ERC2: variants seen among roughly 807,000 people sequenced by gnomAD.
ERC2 encodes ELKS/RAB6-interacting/CAST family member 2.
A neutral mutation model predicts 114.8 loss-of-function variants in ERC2; 42 were observed. The ratio of observed to expected loss-of-function variants is 0.37; its 90% confidence interval spans 0.29 to 0.47. ERC2 has a LOEUF of 0.47. ERC2 is among the 20% of genes least tolerant of loss of function. ERC2 has a pLI of 0.99. For synonymous variants in ERC2, 454 were observed against 425.5 expected (o/e 1.07, Z -0.82); for missense variants, 939 against 1,150.7 (o/e 0.82, Z 2.66).
chr3:56,327,559 C>T lies in ERC2; in HGVS notation c.658-31124G>A, dbSNP rs1024899967. On this transcript the variant is annotated intron_variant, in intron 2 of 17. Coordinates refer to ENST00000288221, the MANE Select transcript of ERC2 (RefSeq NM_015576.3). ...GGCATGGTAGCCCACACCTGTAGTC[C>T]CAGCTACTCAGGAGGCTGAGGCAGA... Among the ~76,000 whole-genome samples the T allele has an allele frequency of 8.5e-5, 13 of 152,232 alleles. No homozygotes were observed. In the East Asian group the frequency reaches 2.1e-3, roughly 25 times the overall value.
chr3:56,017,592 G>T (rs2073393316), intron 8 of ERC2, among the ~76,000 whole-genome samples: 1 of 151,944 alleles, frequency 6.6e-6, no homozygotes, highest in Non-Finnish European at 1.5e-5. Context: ...CCTCCACAAG[G>T]GCTCCTGGCT....
intron 14 of ERC2, among the ~76,000 whole-genome samples, chr3:55,763,677 T>C (rs991148984): frequency 2.0e-5 from 3 of 152,202 alleles, no homozygotes; most frequent in African/African-American, 7.2e-5. Flanking sequence ...TGACTTTAAA[T>C]TGTGGACATT....
chr3:56,098,669 A>G (rs1269386847), intron 6 of ERC2, among the ~76,000 whole-genome samples: 1 of 152,194 alleles, frequency 6.6e-6, no homozygotes, highest in Non-Finnish European at 1.5e-5. Context: ...GGTCCACTCC[A>G]GTCTGTTGGA....
chr3:56,253,688 T>A (rs534315035), intron 3 of ERC2, among the ~76,000 whole-genome samples: 62 of 152,320 alleles, frequency 4.1e-4, no homozygotes, highest in African/African-American at 1.5e-3. Flanking sequence ...CTGGAAATGC[T>A]CATTTGTTTG....
chr3:55,918,513 G>A (rs553398010), intron 13 of ERC2, among the ~76,000 whole-genome samples: 1 of 152,126 alleles, frequency 6.6e-6, no homozygotes, highest in South Asian at 2.1e-4. Flanking sequence ...ACATAACCAC[G>A]AGTTTTTTCA....
chr3:56,311,234 TCTCTCTCTCTCTCTCTCTCTC>T (rs1277489668), intron 2 of ERC2, among the ~76,000 whole-genome samples: 4 of 12,802 alleles, frequency 3.1e-4, no homozygotes, highest in Admixed American at 1.1e-3. Flanking sequence ...CATCATCTTC[TCTCTCTCTCTCTCTCTCTCTC>T]TATATATATA....
At chr3:56,158,160 C>A (rs2081840612) in intron 4 of ERC2, among the ~76,000 whole-genome samples, 1 of 152,148 alleles carries the variant, frequency 6.6e-6, no homozygotes, top group African/African-American at 2.4e-5. Context: ...TCAGACTTGG[C>A]AGAATTTTTA....
intron 6 of ERC2, among the ~76,000 whole-genome samples, chr3:56,085,463 C>T (rs780425370): frequency 6.6e-6 from 1 of 152,128 alleles, no homozygotes; most frequent in Non-Finnish European, 1.5e-5. Flanking sequence ...TGCCCCTTCT[C>T]ACATAATAGC....
chr3:56,236,855 A>G (rs918536147), intron 3 of ERC2, among the ~76,000 whole-genome samples: 10 of 152,230 alleles, frequency 6.6e-5, no homozygotes, highest in African/African-American at 1.4e-4. Flanking sequence ...TAAAGCCAAC[A>G]TAAGCACAAT....
chr3:56,073,180 G>C (rs1396113832), intron 7 of ERC2, among the ~76,000 whole-genome samples: 1 of 152,142 alleles, frequency 6.6e-6, no homozygotes, highest in Non-Finnish European at 1.5e-5. Context: ...ATACTGAAAG[G>C]TGGGAGAAAG....
At chr3:56,226,470 C>T (rs1180872453) in intron 3 of ERC2, among the ~76,000 whole-genome samples, 1 of 152,090 alleles carries the variant, frequency 6.6e-6, no homozygotes, top group Non-Finnish European at 1.5e-5. Flanking sequence ...CGGAGAAAGG[C>T]CTGAGTCCAG....
At chr3:55,888,257 A>G in intron 14 of ERC2, 132 bp downstream of exon 14, 1 of 1,079,384 alleles carries the variant, frequency 9.3e-7, no homozygotes, top group Non-Finnish European at 1.3e-6. Flanking sequence ...ATACTTTCAG[A>G]AATGACCAGG....
At chr3:56,062,747 C>G (rs1206810700) in intron 7 of ERC2, among the ~76,000 whole-genome samples, 12 of 152,104 alleles carry the variant, frequency 7.9e-5, no homozygotes, top group Admixed American at 7.2e-4. Flanking sequence ...ACCTAACTTC[C>G]CATGTAACTT....
chr3:55,835,490 A>C (rs1559736076), intron 14 of ERC2, among the ~76,000 whole-genome samples: 1 of 152,228 alleles, frequency 6.6e-6, no homozygotes, highest in Non-Finnish European at 1.5e-5. Context: ...AAACAGAACC[A>C]AAGACAAAAA....
In ERC2 at chr3:56,422,137, T is replaced by A. The variant is rs559177739; in HGVS notation, c.657+12214A>T. On this transcript the variant is annotated intron_variant, in intron 2 of 17. Transcript: ENST00000288221. ...TGAGAGGTGCCTGTTGAAGGCCCCC[T>A]GGACTAGGAGGCCAGCGAGGTACTC... Among the ~76,000 whole-genome samples, 3 of 152,238 alleles carry A rather than the reference T, an allele frequency of 2.0e-5. No individual in the cohort carries two copies. In the East Asian group the frequency reaches 5.8e-4, roughly 29 times the overall value.
At chr3:56,215,230 G>T (rs989273102) in intron 3 of ERC2, among the ~76,000 whole-genome samples, 7 of 152,164 alleles carry the variant, frequency 4.6e-5, no homozygotes, top group African/African-American at 1.7e-4. Context: ...CCATCAGCGT[G>T]CTGTATTCAG....
At chr3:55,983,143 G>A (rs1449689133) in intron 12 of ERC2, among the ~76,000 whole-genome samples, 1 of 152,194 alleles carries the variant, frequency 6.6e-6, no homozygotes, top group East Asian at 1.9e-4. Context: ...CCCAAACAAG[G>A]AATCAGCTGA....
At chr3:55,584,589 T>A (rs1384037061) in intron 17 of ERC2, among the ~76,000 whole-genome samples, 1 of 152,172 alleles carries the variant, frequency 6.6e-6, no homozygotes, top group Non-Finnish European at 1.5e-5. Flanking sequence ...ATTGGGGAAC[T>A]CTGCTTGGAG....
intron 17 of ERC2, among the ~76,000 whole-genome samples, chr3:55,526,966 T>C (rs1383264382): frequency 1.3e-5 from 2 of 152,198 alleles, no homozygotes; most frequent in Admixed American, 1.3e-4. Flanking sequence ...AGCACACGTG[T>C]CTCCACACCT....
Sources: allele counts gnomAD v4.1 joint callset (sites outside exome capture counted in the v4.1 genomes callset), GRCh38; gene constraint gnomAD v4.1.1; transcripts MANE v1.5; gene names NCBI Gene and HGNC (gene_info 2026-07-23, HGNC 2026-07-21).